SVIL: variants seen among roughly 807,000 people sequenced by gnomAD.
SVIL encodes the protein supervillin.
In SVIL, 101 loss-of-function variants were observed where a neutral mutation model predicts 240.4. The observed-to-expected ratio is 0.42, with a 90% CI of 0.36 to 0.50. The LOEUF is 0.50. SVIL is among the 20% of genes least tolerant of loss of function. The pLI is 0.01. For missense variants in SVIL, 2,512 were observed against 2,818.7 expected (o/e 0.89, Z 2.46); for synonymous variants, 999 against 1,100.0 (o/e 0.91, Z 1.82).
intron 3 of SVIL, among the ~76,000 whole-genome samples, chr10:29,652,618 T>C (rs950633240): frequency 6.6e-6 from 1 of 152,200 alleles, no homozygotes; most frequent in Non-Finnish European, 1.5e-5. Context: ...TTATAAAAGG[T>C]AAATCTGTGT....
At chr10:29,671,832 C>A (rs1273016724) in intron 2 of SVIL, among the ~76,000 whole-genome samples, 2 of 152,192 alleles carry the variant, frequency 1.3e-5, no homozygotes, top group Non-Finnish European at 2.9e-5. Context: ...TCTTTGGACT[C>A]CTCTCTAATG....
chr10:29,628,541 G>A (rs1447657456), intron 1 of SVIL, among the ~76,000 whole-genome samples: 1 of 152,288 alleles, frequency 6.6e-6, no homozygotes, highest in Admixed American at 6.5e-5. Flanking sequence ...AGAAAGAAAC[G>A]AGAGGCCTCT....
At chr10:29,719,818 G>A (rs1963866292) in intron 1 of SVIL, among the ~76,000 whole-genome samples, 1 of 152,202 alleles carries the variant, frequency 6.6e-6, no homozygotes, top group African/African-American at 2.4e-5. Flanking sequence ...GCATGAGTGA[G>A]CTGTGGAGAC....
chr10:29,705,335 C>T (rs961048530), intron 1 of SVIL, among the ~76,000 whole-genome samples: 8 of 152,036 alleles, frequency 5.3e-5, no homozygotes, highest in Non-Finnish European at 8.8e-5. Flanking sequence ...TTACCTGACA[C>T]GGCAAAGATT....
chr10:29,612,021 T>C (rs925504474), intron 1 of SVIL, among the ~76,000 whole-genome samples: 4 of 152,056 alleles, frequency 2.6e-5, no homozygotes, highest in African/African-American at 9.7e-5. Context: ...CTCGTTTTTC[T>C]CCAGAAATAT....
intron 3 of SVIL, among the ~76,000 whole-genome samples, chr10:29,646,143 G>A (rs577295537): frequency 6.6e-6 from 1 of 152,300 alleles, no homozygotes; most frequent in Middle Eastern, 3.4e-3. Flanking sequence ...GGCAAATAAT[G>A]CGTATGCTCC....
At chr10:29,603,860 T>C (rs2132848408) in intron 1 of SVIL, among the ~76,000 whole-genome samples, 1 of 152,340 alleles carries the variant, frequency 6.6e-6, no homozygotes, top group East Asian at 1.9e-4. Flanking sequence ...ATAGATGTCA[T>C]ACATAAAGTC....
rs1947196181 is a variant in SVIL at position 29,484,428 on chromosome 10, T to A, written c.4955+228A>T. On this transcript the variant is annotated intron_variant, in intron 27 of 37. Coordinates refer to ENST00000355867, the MANE Select transcript of SVIL (RefSeq NM_021738.3). This position sits in a 1 kb window ranked among gnomAD's most constrained non-coding sequence, Gnocchi z 4.7. ...AGCATTTCTTGCTCACTTCAAGAAATCAACTATAACAAACCTCTTCCAGAA... is the reference window on the plus strand; with the variant it reads ...AGCATTTCTTGCTCACTTCAAGAAAACAACTATAACAAACCTCTTCCAGAA... Among the ~76,000 whole-genome samples, 1 of 152,226 alleles carries A rather than the reference T, an allele frequency of 6.6e-6. No homozygotes were observed. Among genetic ancestry groups the A allele is most frequent in the East Asian group, 1.9e-4 (1 of 5,206 alleles).
chr10:29,536,864 T>C (rs976924428), intron 6 of SVIL, among the ~76,000 whole-genome samples: 10 of 134,702 alleles, frequency 7.4e-5, no homozygotes, highest in African/African-American at 2.9e-4. Context: ...TGAGCCGAGA[T>C]CATGCCACTG....
rs551586904 is a variant in SVIL at position 29,511,494 on chromosome 10, A to G, written c.3516+1241T>C. ...TGCTAATGAGGAATGTGTTAAAGTC[A>G]TTTTTGAAGCAATGATTTCAAGATT... On this transcript the variant is annotated intron_variant, in intron 17 of 37. Coordinates refer to ENST00000355867, the MANE Select transcript of SVIL (RefSeq NM_021738.3). Among the ~76,000 whole-genome samples the G allele has an allele frequency of 1.3e-3, 200 of 151,962 alleles. 7 individuals carry two copies. In the South Asian group the frequency reaches 0.04, roughly 30 times the overall value.
intron 1 of SVIL, among the ~76,000 whole-genome samples, chr10:29,721,657 A>G (rs904923901): frequency 1.3e-5 from 2 of 152,234 alleles, no homozygotes; most frequent in African/African-American, 2.4e-5. Flanking sequence ...TCAAGGGGAC[A>G]TAAGGATCCT....
At chr10:29,516,500 C>T (rs1950209191) in intron 16 of SVIL, among the ~76,000 whole-genome samples, 1 of 152,234 alleles carries the variant, frequency 6.6e-6, no homozygotes, top group Non-Finnish European at 1.5e-5. Context: ...TGTGAGCTCA[C>T]AGCCCTCCGG....
chr10:29,676,377 A>AGTGTGTGTGTGT (rs112042524), intron 2 of SVIL, among the ~76,000 whole-genome samples: 1 of 151,230 alleles, frequency 6.6e-6, no homozygotes, highest in African/African-American at 2.4e-5. Context: ...GAAAAAAAAG[A>AGTGTGTGTGTGT]GTGTGTGTGT....
rs560058286 is a variant in SVIL, at chr10:29,674,796, T to C, written c.-301+11757A>G. Among the ~76,000 whole-genome samples, 3 of 152,294 alleles carry C rather than the reference T, an allele frequency of 2.0e-5. No homozygotes were observed. The East Asian group carries it at 5.8e-4, about 29-fold the overall frequency. On this transcript the variant is annotated intron_variant, in intron 2 of 35. Transcript: ENST00000375400. ...GGCTCTCAAGGAGAATCCATTTTCTTGCCTTTTCCAGCTTCTAGAGGCCAC... is the reference window on the plus strand; with the variant it reads ...GGCTCTCAAGGAGAATCCATTTTCTCGCCTTTTCCAGCTTCTAGAGGCCAC...
chr10:29,539,034 A>G (rs1951944282), intron 6 of SVIL, among the ~76,000 whole-genome samples: 1 of 152,034 alleles, frequency 6.6e-6, no homozygotes, highest in African/African-American at 2.4e-5. Flanking sequence ...GCATGGTGGC[A>G]TGTGTCTGTA....
intron 1 of SVIL, among the ~76,000 whole-genome samples, chr10:29,606,036 G>A (rs1456352015): frequency 5.9e-5 from 9 of 151,308 alleles, no homozygotes; most frequent in African/African-American, 1.9e-4. Context: ...TCAGCCTCCC[G>A]AGTAGCTGGG....
At chr10:29,726,687 C>T (rs57420972) in intron 1 of SVIL, among the ~76,000 whole-genome samples, 16,923 of 151,882 alleles carry the variant, frequency 0.11, 1,052 homozygotes, top group South Asian at 0.22. Flanking sequence ...GTGGAGGTTG[C>T]GGTGAGCCAA....
intron 1 of SVIL, among the ~76,000 whole-genome samples, chr10:29,620,969 T>A (rs977941951): frequency 1.8e-4 from 22 of 123,116 alleles, no homozygotes; most frequent in African/African-American, 3.0e-4. Flanking sequence ...ATTCTTAAAA[T>A]TTTTTTTTTT....
intron 6 of SVIL, among the ~76,000 whole-genome samples, chr10:29,549,795 T>A (rs12571291): frequency 0.37 from 47,589 of 128,552 alleles, 8,172 homozygotes; most frequent in East Asian, 0.4. Flanking sequence ...CACCGCATAT[T>A]CTCACTCATA....
Sources: allele counts gnomAD v4.1 joint callset (sites outside exome capture counted in the v4.1 genomes callset), GRCh38; gene constraint gnomAD v4.1.1; non-coding constraint Gnocchi (gnomAD v3.1); transcripts MANE v1.5; gene names NCBI Gene and HGNC (gene_info 2026-07-23, HGNC 2026-07-21).